Variants in WDFY1 observed in about 807,000 individuals in gnomAD.
WDFY1 encodes the protein WD repeat and FYVE domain-containing protein 1.
In WDFY1, 32 loss-of-function variants were observed where a neutral mutation model predicts 56.4. That is an observed-to-expected ratio of 0.57 (90% CI 0.43 to 0.76). The LOEUF (loss-of-function observed/expected upper bound fraction) is 0.76. Ranked by LOEUF, WDFY1 falls within the 30% of genes least tolerant of loss-of-function variation. The pLI is 0.00. For synonymous variants in WDFY1, 192 were observed against 197.3 expected, an observed-to-expected ratio of 0.97 and a Z score of 0.23; for missense variants, 480 against 545.7, an observed-to-expected ratio of 0.88 and a Z score of 1.20.
chr2:223,908,575 G>A (rs1000070986), intron 3 of WDFY1, among the ~76,000 whole-genome samples: 3 of 152,112 alleles, frequency 2.0e-5, no homozygotes, highest in Non-Finnish European at 4.4e-5. Context: ...CCAGTCCTCT[G>A]GCTTTTCTTT....
intron 1 of WDFY1, among the ~76,000 whole-genome samples, chr2:223,930,352 C>T (rs1005402112): frequency 2.6e-5 from 4 of 152,164 alleles, no homozygotes; most frequent in Admixed American, 6.5e-5. Flanking sequence ...TGTTTTGAGA[C>T]GGAGTCCGGT....
At chr2:223,902,013 CCTTCAA>C (rs1267035866) in intron 4 of WDFY1, among the ~76,000 whole-genome samples, 1 of 152,174 alleles carries the variant, frequency 6.6e-6, no homozygotes, top group Non-Finnish European at 1.5e-5. Flanking sequence ...GTGTAACCTG[CCTTCAA>C]CTTCATCTGG....
At chr2:223,879,322 G>C (rs1173159884) in intron 11 of WDFY1, among the ~76,000 whole-genome samples, 1 of 151,788 alleles carries the variant, frequency 6.6e-6, no homozygotes, top group Non-Finnish European at 1.5e-5. Context: ...TTTTAGAAAA[G>C]CCCATCAGGA....
In WDFY1 at chr2:223,876,629, T is replaced by A. The variant is rs181227146; in HGVS notation, c.*2042A>T. ...GCACTATAATAACTTTATGTTCCCA[T>A]GGAACATAGGGTTTTTCAAGAATTT... On this transcript the variant is annotated 3_prime_UTR_variant, in exon 12 of 12. Coordinates refer to ENST00000233055, the MANE Select transcript of WDFY1 (RefSeq NM_020830.5). 1 of 152,168 alleles carries A rather than the reference T, an allele frequency of 6.6e-6. No homozygotes were observed. The highest frequency in any genetic ancestry group is 2.4e-5 in the African/African-American group (1 of 41,432). 9.4% of individuals were successfully genotyped at this position (152,168 alleles called of 1,614,324 possible). A position where few individuals can be genotyped will look rare whatever the true frequency, so the allele number is the denominator to read the frequency against.
intron 10 of WDFY1, 82 bp downstream of exon 10, chr2:223,881,860 A>G (rs774136425): frequency 8.9e-5 from 136 of 1,529,460 alleles, no homozygotes; most frequent in Non-Finnish European, 9.9e-5. Context: ...ATATCCTATC[A>G]CTTCTGAAGC....
chr2:223,895,949 G>A (rs567596932), intron 6 of WDFY1, among the ~76,000 whole-genome samples: 5 of 151,842 alleles, frequency 3.3e-5, no homozygotes, highest in Admixed American at 2.6e-4. Flanking sequence ...CTTGAAGCCA[G>A]GAGTTCAAGA....
At chr2:223,937,714 C>T (rs1689219527) in intron 1 of WDFY1, among the ~76,000 whole-genome samples, 1 of 152,204 alleles carries the variant, frequency 6.6e-6, no homozygotes, top group Admixed American at 6.5e-5. Context: ...ATCACCCTAA[C>T]AATACAGGAG....
chr2:223,892,737 T>C lies in WDFY1; in HGVS notation c.831+1497A>G, dbSNP rs1693299334. Among the ~76,000 whole-genome samples, 5 of 152,354 alleles carry C rather than the reference T, an allele frequency of 3.3e-5. No homozygotes were observed. In the South Asian group the frequency reaches 1.0e-3, roughly 32 times the overall value. The stretch of plus-strand genomic sequence containing the variant: ...GAATTCTGCATCAACGCATAATGTC[T>C]ATTACAATGGTGCACAGCACACTGA... On this transcript the variant is annotated intron_variant, in intron 8 of 11. Transcript: ENST00000233055.
intron 11 of WDFY1, 143 bp from the exon 12 acceptor site, chr2:223,878,873 T>C: frequency 1.8e-6 from 2 of 1,123,042 alleles, no homozygotes; most frequent in Non-Finnish European, 2.5e-6. Context: ...TCATAACACC[T>C]CCTTAAGATT....
chr2:223,918,630 CAAA>C (rs34949257), intron 1 of WDFY1, among the ~76,000 whole-genome samples: 17 of 137,674 alleles, frequency 1.2e-4, no homozygotes, highest in Non-Finnish European at 1.6e-4. Context: ...GACTCTGTCT[CAAA>C]AAAAAAAAAA....
At position 223,875,954 on chromosome 2, in the gene WDFY1, A is replaced by C. The variant is rs979048524; in HGVS notation, c.*2717T>G. Reference sequence around the variant, plus strand: ...AGGTACTAACAAACTGAATTCTTTCATGGGAGAACAAAGTAATACATTCTA... The same window carrying C: ...AGGTACTAACAAACTGAATTCTTTCCTGGGAGAACAAAGTAATACATTCTA... On this transcript the variant is annotated 3_prime_UTR_variant, in exon 12 of 12. Transcript: ENST00000233055. 5.9e-5 allele frequency: 9 copies of C among 152,316 alleles called. No individual in the cohort carries two copies. Among genetic ancestry groups the C allele is most frequent in the African/African-American group, 1.4e-4 (6 of 41,576 alleles). 9.4% of individuals were successfully genotyped at this position (152,316 alleles called of 1,614,324 possible).
chr2:223,905,805 T>A, intron 4 of WDFY1, 142 bp downstream of exon 4: 1 of 521,908 alleles, frequency 1.9e-6, no homozygotes, highest in Non-Finnish European at 3.1e-6. Context: ...GAAATATCAC[T>A]AAAAGACAAG....
intron 1 of WDFY1, among the ~76,000 whole-genome samples, chr2:223,940,392 C>T (rs1370320823): frequency 2.0e-5 from 3 of 152,094 alleles, no homozygotes; most frequent in South Asian, 4.1e-4. Flanking sequence ...ACACTTCTGA[C>T]GTTTAGAATG....
At chr2:223,942,440 G>A (rs1421961088) in intron 1 of WDFY1, among the ~76,000 whole-genome samples, 2 of 150,212 alleles carry the variant, frequency 1.3e-5, no homozygotes, top group African/African-American at 2.4e-5. Flanking sequence ...GGATGGTCTC[G>A]ACCTCCTGAC....
chr2:223,938,837 A>T (rs1185918271), intron 1 of WDFY1, among the ~76,000 whole-genome samples: 1 of 148,358 alleles, frequency 6.7e-6, no homozygotes, highest in African/African-American at 2.5e-5. Context: ...AAAAAAAAAG[A>T]GGATAAAATG....
intron 5 of WDFY1, chr2:223,900,958 C>G (rs529372904): frequency 2.1e-6 from 1 of 473,542 alleles, no homozygotes; most frequent in South Asian, 3.4e-5. Flanking sequence ...AGCAAACTTA[C>G]GGAAGTTCTC....
rs761429147 is a variant in WDFY1, at chr2:223,880,166, G to A, written c.1131C>T (p.Ala377=). 9 of 1,614,006 alleles carry A rather than the reference G, an allele frequency of 5.6e-6. No individual in the cohort carries two copies. In the Admixed American group the frequency reaches 1.3e-4, roughly 24 times the overall value. ...TCCCACAGGTCACCATCAGTCCCCTGGCAATGTCCATGGACATGTGGGAAA... is the reference window on the plus strand; with the variant it reads ...TCCCACAGGTCACCATCAGTCCCCTAGCAATGTCCATGGACATGTGGGAAA... The part of the protein sequence containing the change: ...HNISHMSMDI[A]RGLMVTCGTD... Residue 377 remains alanine, a synonymous_variant, in exon 11 of 12, where the codon GCC becomes GCT. Transcript: ENST00000233055.
At chr2:223,940,156 T>C (rs1415325380) in intron 1 of WDFY1, among the ~76,000 whole-genome samples, 1 of 152,132 alleles carries the variant, frequency 6.6e-6, no homozygotes, top group East Asian at 1.9e-4. Context: ...CTGTCTCTAC[T>C]AAAAATACAA....
At chr2:223,941,663 C>T (rs573829170) in intron 1 of WDFY1, among the ~76,000 whole-genome samples, 1 of 152,060 alleles carries the variant, frequency 6.6e-6, no homozygotes, top group African/African-American at 2.4e-5. Flanking sequence ...GTCTCTCCCC[C>T]ACAGGTCTAG....
Sources: gnomAD v4.1 joint callset for allele counts (sites outside exome capture counted in the v4.1 genomes callset) on GRCh38, gnomAD v4.1.1 for gene constraint, MANE v1.5 for transcripts, NCBI Gene and HGNC (gene_info 2026-07-23, HGNC 2026-07-21) for gene names.